The following LARGE1 variants were observed in gnomAD, a reference collection of about 807,000 sequenced individuals.
The protein encoded by LARGE1 is xylosyl- and glucuronyltransferase LARGE1.
LARGE1 carries 43 observed loss-of-function variants against 87.6 expected under a neutral mutation model. The observed-to-expected ratio is 0.49, with a 90% CI of 0.38 to 0.63. LARGE1 has a LOEUF of 0.63. LARGE1 is among the 30% of genes least tolerant of loss of function. The pLI is 0.00. For missense variants in LARGE1, 802 were observed against 1,000.2 expected (o/e 0.80, Z 2.67); for synonymous variants, 434 against 394.6 (o/e 1.10, Z -1.18).
the LARGE1 span, among the ~76,000 whole-genome samples, chr22:33,138,281 C>A: frequency 5.9e-5 from 9 of 151,950 alleles, no homozygotes; most frequent in African/African-American, 2.2e-4. Context: ...GGCCCGTACC[C>A]CTTTGTTTTG....
chr22:33,428,161 G>A (rs568705191), intron 7 of LARGE1, among the ~76,000 whole-genome samples: 24 of 152,038 alleles, frequency 1.6e-4, no homozygotes, highest in South Asian at 8.3e-4. Context: ...TTTTCCAGTC[G>A]GTAAATCTCA....
At chr22:33,918,831 T>G (rs993155549) in intron 1 of LARGE1, among the ~76,000 whole-genome samples, 1 of 152,156 alleles carries the variant, frequency 6.6e-6, no homozygotes, top group Non-Finnish European at 1.5e-5. Flanking sequence ...AAGAAAGGCA[T>G]CTGCATGTCA....
chr22:33,581,928 T>A (rs1020819411), intron 5 of LARGE1, among the ~76,000 whole-genome samples: 5 of 152,012 alleles, frequency 3.3e-5, no homozygotes, highest in African/African-American at 1.2e-4. Context: ...AAGCTTCACA[T>A]GGCTGGGAAT....
intron 11 of LARGE1, among the ~76,000 whole-genome samples, chr22:33,215,429 C>G (rs1312141556): frequency 6.6e-6 from 1 of 152,056 alleles, no homozygotes; most frequent in Non-Finnish European, 1.5e-5. Flanking sequence ...GTTTATCTTT[C>G]CCTTTTTAAC....
At chr22:33,611,461 G>A (rs2079428138) in intron 4 of LARGE1, among the ~76,000 whole-genome samples, 1 of 152,140 alleles carries the variant, frequency 6.6e-6, no homozygotes, top group African/African-American at 2.4e-5. Flanking sequence ...CTTGTGTGGG[G>A]GCCTGTAGCA....
intron 1 of LARGE1, among the ~76,000 whole-genome samples, chr22:33,885,979 G>A (rs778923883): frequency 1.1e-4 from 17 of 152,076 alleles, no homozygotes; most frequent in Non-Finnish European, 2.4e-4. Flanking sequence ...GCAGTGAGCC[G>A]AGATCATGCC....
In LARGE1 at chr22:33,626,200, G is replaced by A. The variant is rs1012281693; in HGVS notation, c.491+44C>T. The A allele has an allele frequency of 2.0e-6, 3 of 1,515,222 alleles. No homozygotes were observed. In the African/African-American group the frequency reaches 4.1e-5, roughly 21 times the overall value. The allele number at this position is 1,515,222 out of a possible 1,614,324, so 93.9% of individuals were successfully genotyped here. ...CTTCCCCAAGGAAATACACAGGCAG[G>A]CAGTGACAGACCTCAGCCCACACAG... On this transcript the variant is annotated intron_variant, in intron 4 of 14. Transcript: ENST00000397394.
At chr22:33,580,847 G>A (rs1374340873) in intron 5 of LARGE1, among the ~76,000 whole-genome samples, 1 of 152,160 alleles carries the variant, frequency 6.6e-6, no homozygotes, top group Non-Finnish European at 1.5e-5. Context: ...AACCCACTGG[G>A]GTTCTTGAAT....
At chr22:33,335,283 A>C (rs1022225595) in intron 10 of LARGE1, among the ~76,000 whole-genome samples, 4 of 152,212 alleles carry the variant, frequency 2.6e-5, no homozygotes, top group Non-Finnish European at 5.9e-5. Context: ...CAGAATCTGA[A>C]AGAGTTCCAG....
intron 9 of LARGE1, among the ~76,000 whole-genome samples, chr22:33,375,545 A>G (rs911337072): frequency 1.3e-5 from 2 of 152,140 alleles, no homozygotes; most frequent in Admixed American, 6.5e-5. Context: ...ACAATTGGTT[A>G]TATCATCAAG....
chr22:33,324,118 T>G (rs1176980270), intron 10 of LARGE1, among the ~76,000 whole-genome samples: 2 of 148,512 alleles, frequency 1.3e-5, no homozygotes, highest in African/African-American at 2.5e-5. Flanking sequence ...TGTAACCCCA[T>G]CTACTCGGGA....
the LARGE1 span, among the ~76,000 whole-genome samples, chr22:33,150,579 C>T: frequency 3.3e-5 from 5 of 152,122 alleles, no homozygotes; most frequent in Admixed American, 3.3e-4. Context: ...CATTAGGAGG[C>T]CATTCTGTTT....
At chr22:33,519,016 C>T (rs139760439) in intron 6 of LARGE1, among the ~76,000 whole-genome samples, 1 of 152,094 alleles carries the variant, frequency 6.6e-6, no homozygotes, top group Non-Finnish European at 1.5e-5. Context: ...TAAAACAAGA[C>T]AGCTAGTTGG....
chr22:33,890,568 G>A (rs2064977893), intron 1 of LARGE1, among the ~76,000 whole-genome samples: 1 of 152,068 alleles, frequency 6.6e-6, no homozygotes, highest in African/African-American at 2.4e-5. Flanking sequence ...GGTACATGCT[G>A]GAGTCTGAGT....
chr22:33,248,875 A>G (rs1926890852), intron 11 of LARGE1, among the ~76,000 whole-genome samples: 1 of 152,156 alleles, frequency 6.6e-6, no homozygotes, highest in African/African-American at 2.4e-5. Context: ...GTGCCTTTTC[A>G]TGGCTTAATA....
At chr22:33,540,212 C>T (rs75160946) in intron 6 of LARGE1, among the ~76,000 whole-genome samples, 4,317 of 152,284 alleles carry the variant, frequency 0.028, 77 homozygotes, top group South Asian at 0.076. Context: ...GAGAAAATGG[C>T]ATTTCTCCTC....
At chr22:33,298,633 G>T (rs990947801) in intron 12 of LARGE1, among the ~76,000 whole-genome samples, 3 of 152,010 alleles carry the variant, frequency 2.0e-5, no homozygotes, top group African/African-American at 7.3e-5. Context: ...GACTAGCCTG[G>T]ACAATAGGGT....
chr22:33,596,866 G>T (rs1569300386), intron 5 of LARGE1, among the ~76,000 whole-genome samples: 1 of 152,150 alleles, frequency 6.6e-6, no homozygotes, highest in Non-Finnish European at 1.5e-5. Context: ...CACCAATAAA[G>T]GAGAGCCAGA....
intron 1 of LARGE1, among the ~76,000 whole-genome samples, chr22:33,799,443 ACTT>A (rs146971123): frequency 0.078 from 11,766 of 151,628 alleles, 559 homozygotes; most frequent in South Asian, 0.22. Context: ...CAGATAAGAA[ACTT>A]CTTTTTTTTT....
Sources: gnomAD v4.1 joint callset for allele counts (sites outside exome capture counted in the v4.1 genomes callset) on GRCh38, gnomAD v4.1.1 for gene constraint, MANE v1.5 for transcripts, NCBI Gene and HGNC (gene_info 2026-07-23, HGNC 2026-07-21) for gene names.